The following SNTG2 variants were observed in gnomAD, a reference collection of about 807,000 sequenced individuals.
SNTG2 encodes syntrophin gamma 2.
A neutral mutation model predicts 70.9 loss-of-function variants in SNTG2; 74 were observed. That is an observed-to-expected ratio of 1.04 (90% CI 0.86 to 1.27). The LOEUF is 1.27. Ranked by LOEUF, SNTG2 falls within the 50% of genes most tolerant of loss-of-function variation. The probability of loss-of-function intolerance (pLI) is 0.00; values close to 1 mark genes in which losing one functional copy is unlikely to be tolerated. For synonymous variants in SNTG2, 278 were observed against 273.8 expected, an observed-to-expected ratio of 1.02 and a Z score of -0.15; for missense variants, 717 against 690.7, an observed-to-expected ratio of 1.04 and a Z score of -0.43.
chr2:1,064,476 AAAAT>A (rs1161357239), intron 1 of SNTG2, among the ~76,000 whole-genome samples: 2 of 151,202 alleles, frequency 1.3e-5, no homozygotes, highest in African/African-American at 4.8e-5. Flanking sequence ...TATATATATA[AAAAT>A]AAAGTACTAC....
At chr2:1,048,611 T>C (rs542147810) in intron 1 of SNTG2, among the ~76,000 whole-genome samples, 2 of 152,296 alleles carry the variant, frequency 1.3e-5, no homozygotes, top group South Asian at 4.2e-4. Flanking sequence ...GTGGTCTCGG[T>C]TGTAGTAGAT....
chr2:1,170,754 T>C (rs1260744637), intron 7 of SNTG2, among the ~76,000 whole-genome samples: 1 of 152,162 alleles, frequency 6.6e-6, no homozygotes, highest in Non-Finnish European at 1.5e-5. Context: ...ATTCATCAGC[T>C]GATGGGCATT....
intron 2 of SNTG2, among the ~76,000 whole-genome samples, chr2:1,086,808 G>A (rs1664712210): frequency 1.3e-5 from 2 of 151,918 alleles, no homozygotes; most frequent in Non-Finnish European, 2.9e-5. Context: ...AAGGAACAAG[G>A]GGCTATAAAA....
At chr2:1,078,199 T>C (rs1664053034) in intron 1 of SNTG2, among the ~76,000 whole-genome samples, 1 of 152,178 alleles carries the variant, frequency 6.6e-6, no homozygotes, top group South Asian at 2.1e-4. Context: ...CAGGCTGGGC[T>C]GTAGAAGCTG....
At chr2:1,315,800 A>T (rs62105562) in intron 15 of SNTG2, among the ~76,000 whole-genome samples, 3 of 152,168 alleles carry the variant, frequency 2.0e-5, no homozygotes, top group Non-Finnish European at 4.4e-5. Flanking sequence ...GTCAGTCAGG[A>T]TTAAAGTTTT....
intron 1 of SNTG2, among the ~76,000 whole-genome samples, chr2:999,532 A>G (rs1342898102): frequency 1.3e-5 from 2 of 152,060 alleles, no homozygotes; most frequent in Non-Finnish European, 2.9e-5. Flanking sequence ...ATATACAACC[A>G]TAAAATGACA....
intron 16 of SNTG2, among the ~76,000 whole-genome samples, chr2:1,340,284 A>G (rs1027387902): frequency 1.3e-5 from 2 of 152,230 alleles, no homozygotes; most frequent in African/African-American, 4.8e-5. Flanking sequence ...AGGGGTGGGA[A>G]GAGGAGTCTA....
chr2:1,052,176 C>T (rs549534317), intron 1 of SNTG2, among the ~76,000 whole-genome samples: 10 of 151,966 alleles, frequency 6.6e-5, no homozygotes, highest in Non-Finnish European at 1.5e-4. Flanking sequence ...CATTGTTTTT[C>T]TATTCTGTGG....
At chr2:983,725 C>T (rs913569336) in intron 1 of SNTG2, among the ~76,000 whole-genome samples, 2 of 152,158 alleles carry the variant, frequency 1.3e-5, no homozygotes, top group African/African-American at 4.8e-5. Flanking sequence ...GTTGTAGGTA[C>T]CAGTTTTCTT....
chr2:958,328 T>C (rs999033445), intron 1 of SNTG2, among the ~76,000 whole-genome samples: 3 of 152,224 alleles, frequency 2.0e-5, no homozygotes, highest in Non-Finnish European at 2.9e-5. Flanking sequence ...TGTTTTCTTA[T>C]AACTGAGGTT....
chr2:1,159,046 A>G (rs1343130418), intron 6 of SNTG2, among the ~76,000 whole-genome samples: 1 of 150,148 alleles, frequency 6.7e-6, no homozygotes, highest in African/African-American at 2.5e-5. Context: ...GTGTGCATGT[A>G]TGTGTCCACG....
intron 2 of SNTG2, among the ~76,000 whole-genome samples, chr2:1,087,566 A>G (rs1664763509): frequency 1.3e-5 from 2 of 152,072 alleles, no homozygotes; most frequent in Non-Finnish European, 2.9e-5. Flanking sequence ...TCTGTTTCCT[A>G]TATGTATCTT....
intron 16 of SNTG2, among the ~76,000 whole-genome samples, chr2:1,325,294 A>G (rs1196593946): frequency 6.6e-6 from 1 of 152,242 alleles, no homozygotes; most frequent in East Asian, 1.9e-4. Flanking sequence ...GGTAAAGGGA[A>G]AGGTAAATGT....
At chr2:1,057,050 TCCAGGACCTGTGAGTG>T (rs571617098) in intron 1 of SNTG2, among the ~76,000 whole-genome samples, 135 of 151,990 alleles carry the variant, frequency 8.9e-4, no homozygotes, top group Middle Eastern at 3.4e-3. Flanking sequence ...TGCCGCTTCC[TCCAGGACCTGTGAGTG>T]CAGGGTTGGA....
At position 1,239,852 on chromosome 2, in the gene SNTG2, A is replaced by T. The variant is rs370660459; in HGVS notation, c.888+76A>T. On this transcript the variant is annotated intron_variant, in intron 11 of 16. Coordinates refer to ENST00000308624, the MANE Select transcript of SNTG2 (RefSeq NM_018968.4). ...TATTTTCTGATTCATGATGTAACACATCTCGAAAAGCAGTCTCTGGTTTTT... is the reference window on the plus strand; with the variant it reads ...TATTTTCTGATTCATGATGTAACACTTCTCGAAAAGCAGTCTCTGGTTTTT... The T allele has an allele frequency of 4.1e-4, 637 of 1,535,018 alleles. 2 individuals carry two copies. In the African/African-American group the frequency reaches 7.9e-3, roughly 19 times the overall value.
intron 8 of SNTG2, among the ~76,000 whole-genome samples, chr2:1,177,326 T>C (rs1671547441): frequency 6.6e-6 from 1 of 151,544 alleles, no homozygotes; most frequent in South Asian, 2.1e-4. Context: ...CGGCAAGGGG[T>C]GGGGGCCATG....
intron 1 of SNTG2, among the ~76,000 whole-genome samples, chr2:961,029 A>G (rs1660333399): frequency 6.6e-6 from 1 of 152,184 alleles, no homozygotes; most frequent in Non-Finnish European, 1.5e-5. Flanking sequence ...GCTGATCACA[A>G]TAATTTATGA....
At chr2:1,119,489 A>G (rs947346652) in intron 4 of SNTG2, among the ~76,000 whole-genome samples, 1 of 152,136 alleles carries the variant, frequency 6.6e-6, no homozygotes, top group South Asian at 2.1e-4. Flanking sequence ...AGGTATACAC[A>G]ATGTCAAAAG....
chr2:1,256,087 G>GCTTT (rs1485774398), intron 12 of SNTG2, among the ~76,000 whole-genome samples: 1 of 151,208 alleles, frequency 6.6e-6, no homozygotes, highest in Admixed American at 6.6e-5. Flanking sequence ...ACCTAGATGG[G>GCTTT]CTGTATATTT....
Sources: gnomAD v4.1 joint callset for allele counts (sites outside exome capture counted in the v4.1 genomes callset) on GRCh38, gnomAD v4.1.1 for gene constraint, MANE v1.5 for transcripts, NCBI Gene and HGNC (gene_info 2026-07-23, HGNC 2026-07-21) for gene names.